SH2B2: variants seen among roughly 807,000 people sequenced by gnomAD.
SH2B2 encodes SH2B adapter protein 2.
A neutral mutation model predicts 35.7 loss-of-function variants in SH2B2; 37 were observed. The ratio of observed to expected loss-of-function variants is 1.04; its 90% CI spans 0.80 to 1.36. SH2B2 has a LOEUF of 1.36. Among genes scored for constraint, SH2B2 ranks in the 40% most tolerant of loss-of-function variants. SH2B2 has a pLI of 0.00. For synonymous variants in SH2B2, 383 were observed against 376.4 expected (o/e 1.02, Z -0.20); for missense variants, 852 against 817.7 (o/e 1.04, Z -0.51).
chr7:102,289,288 G>A (rs938664372), intron 1 of SH2B2, among the ~76,000 whole-genome samples: 1 of 152,152 alleles, frequency 6.6e-6, no homozygotes, highest in African/African-American at 2.4e-5. Flanking sequence ...AGGAGCTCAC[G>A]GTTCGGTGGA....
chr7:102,286,929 G>A lies in SH2B2; in HGVS notation c.-195G>A, dbSNP rs1444636963. 1 of 149,098 alleles carries A rather than the reference G, an allele frequency of 6.7e-6. No homozygotes were observed. Among genetic ancestry groups the A allele is most frequent in the Non-Finnish European group, 1.5e-5 (1 of 67,104 alleles). The allele number at this position is 149,098 out of a possible 1,614,324, so 9.2% of individuals were successfully genotyped here. On this transcript the variant is annotated 5_prime_UTR_variant, in exon 1 of 9. Coordinates refer to ENST00000444095, the MANE Select transcript of SH2B2 (RefSeq NM_001359228.2). ...TCGGCTGCCAGAGAGCCGCGCGGGG[G>A]ACGCGCCGGGACCGCGAGGAGCGCA...
chr7:102,295,571 C>A (rs948922914), intron 1 of SH2B2, among the ~76,000 whole-genome samples: 1 of 152,140 alleles, frequency 6.6e-6, no homozygotes, highest in African/African-American at 2.4e-5. Context: ...TTTTGCCCTG[C>A]GCACTCTCTG....
Position 102,320,482 on chromosome 7 carries a change from G to T in SH2B2, c.1547G>T (p.Arg516Leu), listed in dbSNP as rs1554558189. ...SADITLRSYV[R>L]AQDPPPEPGP... ...GACATCACCCTTCGCAGCTATGTGCGGGCCCAGGACCCCCCACCAGGTAAG... is the reference window on the plus strand; with the variant it reads ...GACATCACCCTTCGCAGCTATGTGCTGGCCCAGGACCCCCCACCAGGTAAG... Residue 516 changes from arginine to leucine, a missense_variant, in exon 8 of 9, where the codon CGG becomes CTG. Coordinates refer to ENST00000444095, the MANE Select transcript of SH2B2 (RefSeq NM_001359228.2). 6.2e-7 allele frequency: 1 copy of T among 1,613,420 alleles called. No individual in the cohort carries two copies. Among genetic ancestry groups the T allele is most frequent in the Admixed American group, 1.7e-5 (1 of 59,988 alleles).
chr7:102,312,815 G>C (rs1793675214), intron 4 of SH2B2, among the ~76,000 whole-genome samples: 2 of 152,040 alleles, frequency 1.3e-5, no homozygotes, highest in African/African-American at 2.4e-5. Context: ...ACCACGCCCA[G>C]CTAATTTTCT....
rs557800093 is a variant in SH2B2, at chr7:102,301,138, C to T, written c.588C>T (p.Arg196=). The T allele has an allele frequency of 1.3e-6, 2 of 1,523,720 alleles. No individual in the cohort carries two copies. The highest frequency in any genetic ancestry group is 1.4e-5 in the African/African-American group (1 of 70,014). 94.4% of individuals were successfully genotyped at this position (1,523,720 alleles called of 1,614,324 possible). ...AAKVELVDIQ[R]EGALRFMVAD... ...AGGTGGAGCTGGTGGACATTCAACG[C>T]GAGGGGGCGCTGCGCTTCATGGTGG... Residue 196 remains arginine, a synonymous_variant, in exon 2 of 9, where the codon CGC becomes CGT. Coordinates refer to ENST00000444095, the MANE Select transcript of SH2B2 (RefSeq NM_001359228.2).
intron 1 of SH2B2, among the ~76,000 whole-genome samples, chr7:102,292,614 C>G (rs1792715199): frequency 6.8e-6 from 1 of 146,740 alleles, no homozygotes; most frequent in Admixed American, 6.9e-5. Flanking sequence ...AGGAGAATTG[C>G]TTGGGCCCAG....
chr7:102,309,338 CCTCT>C (rs1197748352), intron 4 of SH2B2: 47 of 325,420 alleles, frequency 1.4e-4, no homozygotes, highest in South Asian at 2.0e-4. Flanking sequence ...ATAGCCAGAC[CCTCT>C]CTCTCTCTCT....
chr7:102,292,751 G>A (rs901399589), intron 1 of SH2B2, among the ~76,000 whole-genome samples: 1 of 152,168 alleles, frequency 6.6e-6, no homozygotes, highest in Admixed American at 6.5e-5. Context: ...TCATTGGGGG[G>A]TAGGTGGCAC....
At chr7:102,285,184 ATGGC>A, upstream of SH2B2, 1 of 1,551,044 alleles carries the variant, frequency 6.4e-7, no homozygotes, top group African/African-American at 1.4e-5. Context: ...TGTCCTGCCC[ATGGC>A]TTCCCATCTC....
At chr7:102,287,428 A>T (rs528350345) in intron 1 of SH2B2, among the ~76,000 whole-genome samples, 23 of 151,994 alleles carry the variant, frequency 1.5e-4, no homozygotes, top group Non-Finnish European at 2.1e-4. Flanking sequence ...GGGTCCTTAG[A>T]GGAGGGGTCT....
chr7:102,285,742 C>T (rs534561819), upstream of SH2B2, among the ~76,000 whole-genome samples: 1 of 152,374 alleles, frequency 6.6e-6, no homozygotes, highest in Non-Finnish European at 1.5e-5. Context: ...ATGGAGGCAG[C>T]TCCGGCTGGC....
chr7:102,288,213 A>C (rs1586559558), intron 1 of SH2B2, among the ~76,000 whole-genome samples: 1 of 150,866 alleles, frequency 6.6e-6, no homozygotes, highest in South Asian at 2.1e-4. Flanking sequence ...CCCACCTTGA[A>C]CTCTCCCAAC....
At chr7:102,317,447 G>C in intron 7 of SH2B2, 52 bp downstream of exon 7, 5 of 1,464,714 alleles carry the variant, frequency 3.4e-6, no homozygotes, top group Non-Finnish European at 4.6e-6. Context: ...CTGAGGGAGA[G>C]GGGTCATGGT....
At chr7:102,302,086 T>C (rs1219073947) in intron 2 of SH2B2, among the ~76,000 whole-genome samples, 2 of 152,240 alleles carry the variant, frequency 1.3e-5, no homozygotes, top group Non-Finnish European at 2.9e-5. Context: ...CTGGAACTCC[T>C]GAGCTCAAGA....
chr7:102,311,236 C>T (rs1328064135), intron 4 of SH2B2, among the ~76,000 whole-genome samples: 1 of 151,540 alleles, frequency 6.6e-6, no homozygotes, highest in Non-Finnish European at 1.5e-5. Context: ...ACTGTAGGCA[C>T]ATGCCACGAT....
intron 4 of SH2B2, among the ~76,000 whole-genome samples, chr7:102,313,186 C>CCTG (rs1414314906): frequency 1.3e-5 from 2 of 151,088 alleles, no homozygotes; most frequent in African/African-American, 4.9e-5. Flanking sequence ...GTGGCTCACG[C>CCTG]CTGTAATCCC....
chr7:102,304,444 T>C (rs1793315249), intron 2 of SH2B2, among the ~76,000 whole-genome samples: 1 of 152,190 alleles, frequency 6.6e-6, no homozygotes, highest in Non-Finnish European at 1.5e-5. Context: ...GGAAACCTGG[T>C]ATTTTCAAGA....
intron 2 of SH2B2, among the ~76,000 whole-genome samples, chr7:102,301,551 TGTGTGTCC>T (rs1221348530): frequency 3.8e-4 from 56 of 146,562 alleles, no homozygotes; most frequent in Non-Finnish European, 5.5e-4. Context: ...TGTGTGTGTG[TGTGTGTCC>T]GTGTGTGTGT....
At chr7:102,285,453 C>G (rs10253649), upstream of SH2B2, among the ~76,000 whole-genome samples, 16 of 152,240 alleles carry the variant, frequency 1.1e-4, no homozygotes, top group South Asian at 3.1e-3. Flanking sequence ...GGCCCACTGC[C>G]GAAGCTTTCA....
Sources: allele counts gnomAD v4.1 joint callset (sites outside exome capture counted in the v4.1 genomes callset), GRCh38; gene constraint gnomAD v4.1.1; transcripts MANE v1.5; gene names NCBI Gene and HGNC (gene_info 2026-07-23, HGNC 2026-07-21).